Variants in FBXL5 observed in about 807,000 individuals in gnomAD.
FBXL5 encodes F-box/LRR-repeat protein 5.
A neutral mutation model predicts 78.3 loss-of-function variants in FBXL5; 26 were observed. The ratio of observed to expected loss-of-function variants is 0.33; its 90% CI spans 0.24 to 0.46. The LOEUF is 0.46. Among genes scored for constraint, FBXL5 ranks in the 20% least tolerant of loss-of-function variants. The probability of loss-of-function intolerance (pLI) is 1.00; values close to 1 mark genes in which losing one functional copy is unlikely to be tolerated. For missense variants in FBXL5, 710 were observed against 829.2 expected, an observed-to-expected ratio of 0.86 and a Z score of 1.77; for synonymous variants, 295 against 282.5, an observed-to-expected ratio of 1.04 and a Z score of -0.45.
intron 1 of FBXL5, among the ~76,000 whole-genome samples, chr4:15,649,053 A>T (rs1229757684): frequency 2.0e-5 from 3 of 152,226 alleles, no homozygotes; most frequent in Non-Finnish European, 4.4e-5. Context: ...GATCAAGTTA[A>T]ATTCTTGGTG....
chr4:15,658,242 G>A (rs1560246309), upstream of FBXL5, among the ~76,000 whole-genome samples: 1 of 152,216 alleles, frequency 6.6e-6, no homozygotes, highest in African/African-American at 2.4e-5. Flanking sequence ...GAATGTTTAC[G>A]TTTTGACCCA....
intron 9 of FBXL5, among the ~76,000 whole-genome samples, chr4:15,616,305 T>C (rs1306883210): frequency 6.6e-6 from 1 of 152,232 alleles, no homozygotes; most frequent in Non-Finnish European, 1.5e-5. Flanking sequence ...TGCTCTGTCA[T>C]ACAGGTCACC....
intron 2 of FBXL5, chr4:15,641,701 TC>T (rs1714898351): frequency 4.6e-6 from 2 of 433,088 alleles, no homozygotes; most frequent in Non-Finnish European, 9.1e-6. Flanking sequence ...GCAACCCTAA[TC>T]CCCATGTTGT....
chr4:15,646,620 T>C (rs940110529), intron 1 of FBXL5, among the ~76,000 whole-genome samples: 2 of 152,096 alleles, frequency 1.3e-5, no homozygotes, highest in Non-Finnish European at 2.9e-5. Flanking sequence ...TATGTATACA[T>C]GTGCCATGTT....
intron 1 of FBXL5, among the ~76,000 whole-genome samples, chr4:15,679,730 A>C (rs1718136305): frequency 6.6e-6 from 1 of 151,984 alleles, no homozygotes; most frequent in Non-Finnish European, 1.5e-5. Context: ...ATCTATCAAA[A>C]AATCCCAATT....
chr4:15,608,936 T>C (rs1338697255), intron 10 of FBXL5, among the ~76,000 whole-genome samples: 2 of 152,130 alleles, frequency 1.3e-5, no homozygotes, highest in Non-Finnish European at 2.9e-5. Context: ...AACAGGAGAC[T>C]AACACCTTCC....
intron 1 of FBXL5, among the ~76,000 whole-genome samples, chr4:15,678,864 TCTCA>T (rs973124507): frequency 6.6e-6 from 1 of 152,176 alleles, no homozygotes; most frequent in Non-Finnish European, 1.5e-5. Flanking sequence ...AAATTCTGTT[TCTCA>T]CTCTACTGTT....
chr4:15,651,652 TTACTC>T (rs1216589762), intron 1 of FBXL5, among the ~76,000 whole-genome samples: 2 of 152,200 alleles, frequency 1.3e-5, no homozygotes, highest in Non-Finnish European at 2.9e-5. Flanking sequence ...TATATTCAAA[TTACTC>T]TAAGCTTCTT....
upstream of FBXL5, among the ~76,000 whole-genome samples, chr4:15,660,949 C>T (rs769518789): frequency 6.6e-6 from 1 of 152,026 alleles, no homozygotes; most frequent in Non-Finnish European, 1.5e-5. Context: ...TGGTGGCACA[C>T]GCCTGTAGTA....
rs748283204 is a variant in FBXL5, at chr4:15,625,428, T to C, written c.1674A>G (p.Arg558=). 9 of 1,614,124 alleles carry C rather than the reference T, an allele frequency of 5.6e-6. No individual in the cohort carries two copies. Among genetic ancestry groups the C allele is most frequent in the Non-Finnish European group, 7.6e-6 (9 of 1,180,012 alleles). Residue 558 remains arginine, a synonymous_variant, in exon 9 of 11, where the codon AGA becomes AGG. Coordinates refer to ENST00000341285, the MANE Select transcript of FBXL5 (RefSeq NM_012161.4). The part of the protein sequence containing the change: ...HSFCCTGTAL[R]TMSSLPESSA... ...AAGATTCTGGGAGTGATGACATAGT[T>C]CTTAAAGCTGTTCCTGTACAACAAA...
chr4:15,641,732 GTTAACA>G (rs1419015290), intron 2 of FBXL5: 2 of 393,790 alleles, frequency 5.1e-6, no homozygotes, highest in Non-Finnish European at 9.9e-6. Flanking sequence ...AACTGTACCT[GTTAACA>G]TTATCCTGCC....
At chr4:15,675,695 C>A (rs1193535219) in intron 1 of FBXL5, among the ~76,000 whole-genome samples, 1 of 151,020 alleles carries the variant, frequency 6.6e-6, no homozygotes, top group Non-Finnish European at 1.5e-5. Flanking sequence ...AATTCTCCTG[C>A]CTCAGCCTCC....
chr4:15,636,646 A>C lies in FBXL5; in HGVS notation c.614T>G (p.Ile205Arg). Reference protein sequence around the residue: ...EAEVSEHSTGITHLPPEVMLS... With the variant: ...EAEVSEHSTGRTHLPPEVMLS... ...CATTACCTCAGGAGGAAGATGGGTTATACCTGTGGAGTGTTCTGACACTTC... is the reference window on the plus strand; with the variant it reads ...CATTACCTCAGGAGGAAGATGGGTTCTACCTGTGGAGTGTTCTGACACTTC... The change falls in exon 5 of 11, where the codon ATA (isoleucine) becomes AGA (arginine). Residue 205 changes from isoleucine (I) to arginine (R), a missense_variant. Transcript: ENST00000341285. The C allele has an allele frequency of 6.2e-7, 1 of 1,613,438 alleles. No individual in the cohort carries two copies. Among genetic ancestry groups the C allele is most frequent in the South Asian group, 1.1e-5 (1 of 90,978 alleles).
chr4:15,644,671 C>G lies in FBXL5; in HGVS notation c.122G>C (p.Arg41Pro), dbSNP rs1323142387. Residue 41 changes from arginine (R) to proline (P), a missense_variant, in exon 2 of 11, where the codon CGT (arginine) becomes CCT (proline). By Grantham distance (103) the Arg-to-Pro change is moderately radical (BLOSUM62 -2). This residue lies in a region of FBXL5 where 132 missense variants were observed against 156.9 expected (regional missense o/e 0.84). Transcript: ENST00000341285. ...KTNFSNNNDF[R>P]ALLQSLYATF... The stretch of plus-strand genomic sequence containing the variant: ...AGCATACAAAGACTGCAGAAGAGCA[C>G]GGAAATCGTTGTTGTTGGAAAAATT... 6.2e-7 allele frequency: 1 copy of G among 1,610,366 alleles called. No individual in the cohort carries two copies. The highest frequency in any genetic ancestry group is 1.1e-5 in the South Asian group (1 of 90,392).
At chr4:15,665,325 A>G (rs966539265) in intron 1 of FBXL5, among the ~76,000 whole-genome samples, 2 of 152,182 alleles carry the variant, frequency 1.3e-5, no homozygotes, top group Non-Finnish European at 2.9e-5. Flanking sequence ...GGTGTCAGGC[A>G]TCTTAGCCAA....
chr4:15,616,395 G>A (rs1711880946), intron 9 of FBXL5, among the ~76,000 whole-genome samples: 1 of 75,892 alleles, frequency 1.3e-5, no homozygotes, highest in Admixed American at 1.5e-4. Context: ...ACCCCCAACA[G>A]CACCATGCCC....
At position 15,629,367 on chromosome 4, in the gene FBXL5, T is replaced by G. The variant is rs150139314; in HGVS notation, c.892+1299A>C. 2.3e-4 allele frequency among the ~76,000 whole-genome samples: 35 copies of G among 152,310 alleles called. No homozygotes were observed. In the South Asian group the frequency reaches 6.6e-3, roughly 29 times the overall value. On this transcript the variant is annotated intron_variant, in intron 6 of 10. Coordinates refer to ENST00000341285, the MANE Select transcript of FBXL5 (RefSeq NM_012161.4). ...ACTGAGACTTCCTTAAGTTGACATC[T>G]GAGCAAATATCTCATCTCCTTCAGG...
intron 1 of FBXL5, among the ~76,000 whole-genome samples, chr4:15,670,076 C>T (rs950085711): frequency 3.1e-4 from 47 of 152,262 alleles, no homozygotes; most frequent in African/African-American, 1.1e-3. Context: ...GGAGGTGTAC[C>T]TTGAAATGAA....
chr4:15,655,173 G>C (rs1229873154), intron 1 of FBXL5, 31 bp downstream of exon 1: 3 of 1,362,848 alleles, frequency 2.2e-6, no homozygotes, highest in Non-Finnish European at 2.9e-6. Context: ...CGCCCGCACC[G>C]CCCACAGCGG....
Sources: allele counts gnomAD v4.1 joint callset (sites outside exome capture counted in the v4.1 genomes callset), GRCh38; gene constraint gnomAD v4.1.1; regional missense constraint gnomAD v4.1.1; transcripts MANE v1.5; gene names NCBI Gene and HGNC (gene_info 2026-07-23, HGNC 2026-07-21).